The following RALYL variants were observed in gnomAD, a reference collection of about 807,000 sequenced individuals.
RALYL encodes the protein RNA-binding Raly-like protein.
A neutral mutation model predicts 35.1 loss-of-function variants in RALYL; 29 were observed. That is an observed-to-expected ratio of 0.83 (90% confidence interval 0.61 to 1.13). The LOEUF (loss-of-function observed/expected upper bound fraction) is 1.13. Ranked by LOEUF, RALYL falls within the 50% of genes most tolerant of loss-of-function variation. RALYL has a pLI of 0.00. For missense variants in RALYL, 359 were observed against 360.4 expected (o/e 1.00, Z 0.03); for synonymous variants, 120 against 127.6 (o/e 0.94, Z 0.40).
intron 2 of RALYL, among the ~76,000 whole-genome samples, chr8:84,678,575 C>T (rs764246105): frequency 8.6e-5 from 13 of 152,032 alleles, no homozygotes; most frequent in Admixed American, 3.9e-4. Context: ...CCAAGTGTAG[C>T]GTTTTTTAAT....
chr8:84,329,894 C>T (rs1294812350), intron 1 of RALYL, among the ~76,000 whole-genome samples: 1 of 151,994 alleles, frequency 6.6e-6, no homozygotes, highest in Admixed American at 6.6e-5. Flanking sequence ...TTCAGTGGAA[C>T]TCTGTTTTAT....
chr8:84,859,847 A>G (rs1837778619), intron 5 of RALYL, among the ~76,000 whole-genome samples: 1 of 152,166 alleles, frequency 6.6e-6, no homozygotes, highest in South Asian at 2.1e-4. Context: ...TCTGTCTCAA[A>G]AAAACAAGAG....
chr8:84,803,455 G>A (rs1823843252), intron 3 of RALYL, among the ~76,000 whole-genome samples: 1 of 152,094 alleles, frequency 6.6e-6, no homozygotes, highest in South Asian at 2.1e-4. Flanking sequence ...GATCACAAAT[G>A]TATGAGAAAA....
intron 1 of RALYL, among the ~76,000 whole-genome samples, chr8:84,517,724 C>T (rs1156796177): frequency 1.3e-5 from 2 of 152,142 alleles, no homozygotes; most frequent in Admixed American, 6.5e-5. Context: ...AAAACATTTC[C>T]ACTGAAGAAA....
intron 1 of RALYL, among the ~76,000 whole-genome samples, chr8:84,513,821 T>G (rs979349199): frequency 6.6e-6 from 1 of 151,742 alleles, no homozygotes; most frequent in African/African-American, 2.4e-5. Context: ...TAGGACCAGG[T>G]GCAGTGGCTC....
At chr8:84,475,080 G>C (rs1432157321) in intron 1 of RALYL, among the ~76,000 whole-genome samples, 1 of 151,820 alleles carries the variant, frequency 6.6e-6, no homozygotes, top group East Asian at 1.9e-4. Flanking sequence ...CCAGTGACAG[G>C]CCTTGGTGTG....
intron 1 of RALYL, among the ~76,000 whole-genome samples, chr8:84,388,669 C>T (rs1036658523): frequency 1.3e-5 from 2 of 152,096 alleles, no homozygotes; most frequent in African/African-American, 4.8e-5. Flanking sequence ...ATGTCCTTCG[C>T]CCACTTTTTG....
intron 1 of RALYL, among the ~76,000 whole-genome samples, chr8:84,322,811 A>G (rs1845106648): frequency 6.6e-6 from 1 of 152,098 alleles, no homozygotes; most frequent in Admixed American, 6.6e-5. Flanking sequence ...CTTGGCTCTC[A>G]TATTCCTACC....
At chr8:84,460,656 T>G (rs1361644694) in intron 1 of RALYL, among the ~76,000 whole-genome samples, 2 of 151,756 alleles carry the variant, frequency 1.3e-5, no homozygotes, top group African/African-American at 4.8e-5. Context: ...CAAATAAATG[T>G]ATATGAAAAT....
intron 2 of RALYL, among the ~76,000 whole-genome samples, chr8:84,725,729 G>T (rs1407271986): frequency 1.3e-5 from 2 of 151,542 alleles, no homozygotes; most frequent in African/African-American, 4.8e-5. Flanking sequence ...CTACCAGAAT[G>T]CAGATAAATG....
intron 2 of RALYL, among the ~76,000 whole-genome samples, chr8:84,561,415 G>A (rs576565636): frequency 2.6e-5 from 4 of 151,904 alleles, no homozygotes; most frequent in African/African-American, 9.6e-5. Context: ...AATGAGGTCC[G>A]GTAGTCCCCC....
rs1836025371 is a variant in RALYL at position 84,852,331 on chromosome 8, T to C, written c.413+2304T>C. Among the ~76,000 whole-genome samples, 3 of 152,168 alleles carry C rather than the reference T, an allele frequency of 2.0e-5. No homozygotes were observed. The South Asian group carries it at 6.2e-4, about 31-fold the overall frequency. On this transcript the variant is annotated intron_variant, in intron 5 of 8. Coordinates refer to ENST00000521268, the MANE Select transcript of RALYL (RefSeq NM_173848.7). ...TTTTCTCAAAGCATTTTATAATTTC[T>C]ATAAAATATATTTTAAATATTAAGA...
chr8:84,411,089 T>A (rs1232738352), intron 1 of RALYL, among the ~76,000 whole-genome samples: 1 of 151,934 alleles, frequency 6.6e-6, no homozygotes, highest in Non-Finnish European at 1.5e-5. Context: ...TCAATGGGAA[T>A]GTGGTAATAA....
At chr8:84,367,082 C>T (rs1448133332) in intron 1 of RALYL, among the ~76,000 whole-genome samples, 3 of 150,586 alleles carry the variant, frequency 2.0e-5, no homozygotes, top group Non-Finnish European at 4.4e-5. Flanking sequence ...TACTACATAG[C>T]AATTTTAGAG....
chr8:84,543,304 T>C (rs1306617752), intron 2 of RALYL, among the ~76,000 whole-genome samples: 3 of 151,992 alleles, frequency 2.0e-5, no homozygotes, highest in Admixed American at 2.0e-4. Flanking sequence ...AAGAGAAATA[T>C]TTTTCATTAC....
intron 1 of RALYL, among the ~76,000 whole-genome samples, chr8:84,375,372 C>A (rs371822209): frequency 4.1e-4 from 63 of 151,852 alleles, no homozygotes; most frequent in African/African-American, 1.5e-3. Flanking sequence ...TTATTCTGAG[C>A]TTCTTAAAGT....
Position 84,466,050 on chromosome 8 carries a change from A to C in RALYL, c.-23-63249A>C, listed in dbSNP as rs1440033963. Among the ~76,000 whole-genome samples the C allele has an allele frequency of 8.1e-4, 67 of 82,490 alleles. 3 individuals are homozygous for C. Among genetic ancestry groups the C allele is most frequent in the Non-Finnish European group, 1.5e-3 (61 of 40,004 alleles). 54.1% of individuals were successfully genotyped at this position (82,490 alleles called of 152,430 possible). A position where few individuals can be genotyped will look rare whatever the true frequency, so the allele number is the denominator to read the frequency against. On this transcript the variant is annotated intron_variant, in intron 1 of 8. Transcript: ENST00000521268. The stretch of plus-strand genomic sequence containing the variant: ...GCTTAAGGAGATTTTGGGCTGAGAC[A>C]ATGGGGTTTTCTAGATATACAATCA...
At chr8:84,920,186 G>C (rs1040042445) in intron 8 of RALYL, among the ~76,000 whole-genome samples, 5 of 152,018 alleles carry the variant, frequency 3.3e-5, no homozygotes, top group Non-Finnish European at 7.4e-5. Flanking sequence ...TGAAGTTGAT[G>C]GGATAACAGT....
At chr8:84,364,745 G>T (rs1249417776) in intron 1 of RALYL, among the ~76,000 whole-genome samples, 1 of 152,056 alleles carries the variant, frequency 6.6e-6, no homozygotes, top group Non-Finnish European at 1.5e-5. Context: ...TACTGTTTAG[G>T]AGAGTATATT....
Sources: allele counts gnomAD v4.1 joint callset (sites outside exome capture counted in the v4.1 genomes callset), GRCh38; gene constraint gnomAD v4.1.1; transcripts MANE v1.5; gene names NCBI Gene and HGNC (gene_info 2026-07-23, HGNC 2026-07-21).